The following PDXDC1 variants were observed in gnomAD, a reference collection of about 807,000 sequenced individuals.
PDXDC1 encodes pyridoxal dependent decarboxylase domain containing 1, also known as pyridoxal-dependent decarboxylase domain-containing protein 1.
Under a neutral mutation model 100.1 loss-of-function variants are expected in PDXDC1, and 42 were observed. The ratio of observed to expected loss-of-function variants is 0.42; its 90% CI spans 0.33 to 0.54. The LOEUF is 0.54. PDXDC1 is among the 20% of genes least tolerant of loss of function. The pLI is 0.10. For missense variants in PDXDC1, 636 were observed against 979.2 expected, an observed-to-expected ratio of 0.65 and a Z score of 4.68; for synonymous variants, 260 against 371.7, an observed-to-expected ratio of 0.70 and a Z score of 3.46.
chr16:14,986,210 C>T (rs1240665501), intron 1 of PDXDC1, among the ~76,000 whole-genome samples: 2 of 152,284 alleles, frequency 1.3e-5, no homozygotes, highest in African/African-American at 4.8e-5. Context: ...CAGAGGCTCA[C>T]GCCTGTAATC....
chr16:15,035,529 A>T lies in PDXDC1; in HGVS notation c.2083A>T (p.Ser695Cys). The T allele has an allele frequency of 6.2e-7, 1 of 1,611,292 alleles. No homozygotes were observed. The highest frequency in any genetic ancestry group is 8.5e-7 in the Non-Finnish European group (1 of 1,178,566). Residue 695 changes from serine (S) to cysteine (C), a missense_variant, in exon 22 of 23, where the codon AGT (serine) becomes TGT (cysteine). By Grantham distance (112) the Ser-to-Cys change is moderately radical. This residue lies in a region of PDXDC1 where 452 missense variants were observed against 402.9 expected (regional missense o/e 1.12). Coordinates refer to ENST00000396410, the MANE Select transcript of PDXDC1 (RefSeq NM_015027.4). The part of the protein sequence containing the change: ...GVTLPPTPSG[S>C]RTKQRLPGQK... ...CACGCTGCCTCCAACGCCCTCGGGC[A>T]GTCGCACCAAGCAGAGGCTTCCAGG...
At chr16:15,131,501 GGTCC>G (rs2048057177) in intron 16 of PDXDC1, 2 of 1,607,700 alleles carry the variant, frequency 1.2e-6, no homozygotes, top group South Asian at 1.1e-5. Context: ...AGGCTCCGCG[GGTCC>G]GAGCGCTTGC....
chr16:15,007,006 T>C (rs1486436044), intron 6 of PDXDC1, among the ~76,000 whole-genome samples: 1 of 152,294 alleles, frequency 6.6e-6, no homozygotes, highest in East Asian at 1.9e-4. Flanking sequence ...TGCATTCTCT[T>C]GCTTTCTGTG....
At chr16:15,127,491 G>A (rs1490889734) in intron 16 of PDXDC1, 3 of 1,564,678 alleles carry the variant, frequency 1.9e-6, no homozygotes, top group African/African-American at 2.7e-5. Context: ...ACATCCAGAA[G>A]AGAAAGAGGA....
chr16:15,084,532 C>A lies in PDXDC1; in HGVS notation c.1400-54347C>A, dbSNP rs573831873. 231 of 702,780 alleles carry A rather than the reference C, an allele frequency of 3.3e-4. 1 individual carries two copies. The highest frequency in any genetic ancestry group is 4.7e-4 in the Non-Finnish European group (204 of 429,518). The allele number at this position is 702,780 out of a possible 1,614,324, so 43.5% of individuals were successfully genotyped here. A position where few individuals can be genotyped will look rare whatever the true frequency, so the allele number is the denominator to read the frequency against. On this transcript the variant is annotated intron_variant, in intron 16 of 16. Transcript: ENST00000535621. ...TTTCCTCAAGTGGATACAAAAAAAA[C>A]ATGCAATGTAAGACTCAAGCTTTAA...
chr16:14,998,664 G>A (rs1325773684), intron 3 of PDXDC1, among the ~76,000 whole-genome samples: 2 of 152,288 alleles, frequency 1.3e-5, no homozygotes, highest in Non-Finnish European at 2.9e-5. Context: ...GGCCAGGCTG[G>A]TTTCTAACTC....
chr16:15,054,135 G>A (rs1273048040), intron 16 of PDXDC1, among the ~76,000 whole-genome samples: 2 of 152,098 alleles, frequency 1.3e-5, no homozygotes, highest in Non-Finnish European at 2.9e-5. Context: ...TGCCCGCCGC[G>A]CCCCAGGCGG....
downstream of PDXDC1, among the ~76,000 whole-genome samples, chr16:15,043,049 C>T (rs1027032091): frequency 6.6e-6 from 1 of 151,960 alleles, no homozygotes; most frequent in Admixed American, 6.6e-5. Flanking sequence ...TACAGGCATG[C>T]ACCACCATGC....
At chr16:15,026,191 C>G (rs570059329) in intron 13 of PDXDC1, 1 of 170,092 alleles carries the variant, frequency 5.9e-6, no homozygotes, top group African/African-American at 2.4e-5. Flanking sequence ...TTAATTGAGG[C>G]CAAGAGTTCA....
intron 16 of PDXDC1, among the ~76,000 whole-genome samples, chr16:15,097,060 G>C (rs1006213822): frequency 5.3e-5 from 8 of 152,176 alleles, no homozygotes; most frequent in Admixed American, 1.3e-4. Flanking sequence ...CCAGGAGTTT[G>C]AGACCAGCCC....
chr16:15,130,370 G>A, intron 16 of PDXDC1: 3 of 1,570,320 alleles, frequency 1.9e-6, no homozygotes, highest in Non-Finnish European at 2.6e-6. Context: ...ACAGGGACGT[G>A]TACAGGCCCA....
Position 15,055,802 on chromosome 16 carries a change from T to C in PDXDC1, c.1399+25746T>C, listed in dbSNP as rs547445112. ...CCGGATGTGCCAACAGCGCCAAGTTTCAAGTCTGTGTCGCGTGAGGGGGGC... is the reference window on the plus strand; with the variant it reads ...CCGGATGTGCCAACAGCGCCAAGTTCCAAGTCTGTGTCGCGTGAGGGGGGC... On this transcript the variant is annotated intron_variant, in intron 16 of 16. Transcript: ENST00000535621. 5.1e-5 allele frequency: 36 copies of C among 706,410 alleles called. 1 individual carries two copies. The East Asian group carries it at 9.8e-4, about 19-fold the overall frequency. 43.8% of individuals were successfully genotyped at this position (706,410 alleles called of 1,614,324 possible). A position where few individuals can be genotyped will look rare whatever the true frequency, so the allele number is the denominator to read the frequency against.
intron 16 of PDXDC1, chr16:15,076,739 T>A: frequency 1.1e-6 from 1 of 876,250 alleles, no homozygotes; most frequent in East Asian, 2.6e-5. Flanking sequence ...GATATACGCA[T>A]GTTCAAGGTG....
At position 15,036,107 on chromosome 16, in the gene PDXDC1, G is replaced by A; in HGVS notation, c.2199G>A (p.Glu733=). 1.2e-6 allele frequency: 2 copies of A among 1,614,142 alleles called. No individual in the cohort carries two copies. Among genetic ancestry groups the A allele is most frequent in the Non-Finnish European group, 1.7e-6 (2 of 1,180,028 alleles). The part of the protein sequence containing the change: ...VSHIEDLEKV[E]RLSSGPEQIT... ...ACATTGAAGACTTAGAAAAGGTGGA[G>A]CGCCTATCCAGTGGGCCGGAGCAGA... is the stretch of plus-strand genomic sequence containing the variant. Residue 733 remains glutamate, a synonymous_variant, in exon 23 of 23, where the codon GAG becomes GAA. Transcript: ENST00000396410.
chr16:15,111,247 G>A (rs1248691419), intron 16 of PDXDC1, among the ~76,000 whole-genome samples: 2 of 147,388 alleles, frequency 1.4e-5, no homozygotes, highest in Non-Finnish European at 3.0e-5. Context: ...ACCTGAGGTC[G>A]GGAGTTTGAG....
chr16:15,094,463 G>C, intron 16 of PDXDC1: 1 of 577,294 alleles, frequency 1.7e-6, no homozygotes, highest in Non-Finnish European at 3.1e-6. Flanking sequence ...AGGAGAGACG[G>C]GAAGGACCGG....
chr16:15,144,749 T>C, the PDXDC1 span, among the ~76,000 whole-genome samples: 1 of 152,124 alleles, frequency 6.6e-6, no homozygotes, highest in African/African-American at 2.4e-5. Flanking sequence ...CCTCGGAGGC[T>C]GAACGAGGGA....
intron 16 of PDXDC1, among the ~76,000 whole-genome samples, chr16:15,089,596 C>G (rs542039603): frequency 2.0e-5 from 3 of 150,670 alleles, no homozygotes; most frequent in Non-Finnish European, 4.4e-5. Context: ...GTCAGAAGAT[C>G]GAGACCATCC....
chr16:15,038,495 G>C (rs906398972), downstream of PDXDC1: 1 of 830,566 alleles, frequency 1.2e-6, no homozygotes, highest in Non-Finnish European at 2.0e-6. Context: ...GCTATGACCT[G>C]GTCTAAACCC....
Sources: allele counts gnomAD v4.1 joint callset (sites outside exome capture counted in the v4.1 genomes callset), GRCh38; gene constraint gnomAD v4.1.1; regional missense constraint gnomAD v4.1.1; transcripts MANE v1.5; gene names NCBI Gene and HGNC (gene_info 2026-07-23, HGNC 2026-07-21).